UBXN2A: variants seen among roughly 807,000 people sequenced by gnomAD.
UBXN2A encodes UBX domain protein 2A.
In UBXN2A, 28 loss-of-function variants were observed where a neutral mutation model predicts 28.4. That is an observed-to-expected ratio of 0.99 (90% CI 0.73 to 1.35). UBXN2A has a LOEUF of 1.35. Among genes scored for constraint, UBXN2A ranks in the 40% most tolerant of loss-of-function variants. The pLI, the probability that UBXN2A is intolerant of heterozygous loss-of-function variation, is 0.00. For synonymous variants in UBXN2A, 97 were observed against 103.6 expected, an observed-to-expected ratio of 0.94 and a Z score of 0.39; for missense variants, 253 against 297.9, an observed-to-expected ratio of 0.85 and a Z score of 1.11.
At chr2:23,939,669 ACAGG>A (rs1705648935), upstream of UBXN2A, 1 of 152,680 alleles carries the variant, frequency 6.5e-6, no homozygotes, top group South Asian at 2.1e-4. Flanking sequence ...CATCGTGAGT[ACAGG>A]CAGGTCAGCT....
At chr2:23,959,580 G>T (rs1706802871) in intron 2 of UBXN2A, among the ~76,000 whole-genome samples, 1 of 152,150 alleles carries the variant, frequency 6.6e-6, no homozygotes, top group African/African-American at 2.4e-5. Context: ...TTTACTAGAA[G>T]AATTTGTAAG....
intron 5 of UBXN2A, among the ~76,000 whole-genome samples, 151 bp from the exon 6 acceptor site, chr2:23,984,520 AAT>A (rs1016192476): frequency 2.0e-5 from 3 of 152,192 alleles, no homozygotes; most frequent in African/African-American, 7.2e-5. Context: ...GGACATAAAT[AAT>A]ATATCTTTCT....
intron 2 of UBXN2A, among the ~76,000 whole-genome samples, chr2:23,966,483 C>G (rs1401281739): frequency 7.1e-6 from 1 of 140,662 alleles, no homozygotes; most frequent in Admixed American, 7.4e-5. Context: ...GACAGAGTCT[C>G]GCTCTGTTGC....
At chr2:23,986,669 A>G (rs950290534) in intron 6 of UBXN2A, among the ~76,000 whole-genome samples, 2 of 148,124 alleles carry the variant, frequency 1.4e-5, no homozygotes, top group Non-Finnish European at 3.0e-5. Flanking sequence ...GTGCAGTGGC[A>G]CGATCTCAGC....
chr2:23,944,422 A>G, intron 1 of UBXN2A: 1 of 1,052,216 alleles, frequency 9.5e-7, no homozygotes. Context: ...TGTCAGTCTT[A>G]TCTCCACCCT....
chr2:23,946,178 G>C (rs1471487074), intron 1 of UBXN2A, among the ~76,000 whole-genome samples: 1 of 151,966 alleles, frequency 6.6e-6, no homozygotes, highest in African/African-American at 2.4e-5. Flanking sequence ...TTTTTAGACA[G>C]AGTTTCACTT....
At chr2:23,946,797 T>C (rs1706105215) in intron 1 of UBXN2A, among the ~76,000 whole-genome samples, 1 of 152,104 alleles carries the variant, frequency 6.6e-6, no homozygotes, top group South Asian at 2.1e-4. Flanking sequence ...CAGATTCTTA[T>C]ACACTTATTT....
upstream of UBXN2A, among the ~76,000 whole-genome samples, chr2:23,938,551 CTCCCTT>C (rs371742531): frequency 0.039 from 5,596 of 143,134 alleles, 107 homozygotes; most frequent in Admixed American, 0.046. Flanking sequence ...TGGCCCCCCC[CTCCCTT>C]TTTTTTTTTT....
intron 2 of UBXN2A, among the ~76,000 whole-genome samples, chr2:23,969,736 C>A (rs1197498381): frequency 1.3e-5 from 2 of 152,040 alleles, no homozygotes; most frequent in African/African-American, 4.8e-5. Context: ...GGGAGAATCA[C>A]TTGAGTCCAG....
intron 1 of UBXN2A, 47 bp from the exon 2 acceptor site, chr2:23,958,254 G>A: frequency 6.6e-7 from 1 of 1,506,308 alleles, no homozygotes; most frequent in Admixed American, 2.1e-5. Context: ...TACATATTAA[G>A]CTTTTTACTT....
At chr2:23,937,819 A>T (rs72796361), upstream of UBXN2A, among the ~76,000 whole-genome samples, 28,151 of 152,156 alleles carry the variant, frequency 0.19, 2,701 homozygotes, top group Middle Eastern at 0.26. Context: ...GTGTAAGTGA[A>T]TTCGTCGTTG....
intron 6 of UBXN2A, among the ~76,000 whole-genome samples, chr2:23,998,229 T>C (rs1239336514): frequency 2.0e-5 from 3 of 152,222 alleles, no homozygotes; most frequent in African/African-American, 7.2e-5. Flanking sequence ...ACATGAGCTT[T>C]TTAATTTATT....
intron 1 of UBXN2A, among the ~76,000 whole-genome samples, chr2:23,932,322 G>A (rs1424524636): frequency 6.0e-5 from 7 of 116,276 alleles, no homozygotes; most frequent in South Asian, 3.0e-4. Context: ...TTCCCCCTCC[G>A]TCTTGGGGGA....
chr2:23,942,365 A>G (rs12616899), intron 1 of UBXN2A, among the ~76,000 whole-genome samples: 18,030 of 151,240 alleles, frequency 0.12, 1,161 homozygotes, highest in Middle Eastern at 0.21. Context: ...TGTTGTGTGG[A>G]AAGCAAAAGG....
rs180762083 is a variant in UBXN2A at position 23,999,668 on chromosome 2, A to G, written c.585-4A>G. On this transcript the variant is annotated splice_polypyrimidine_tract_variant and splice_region_variant and intron_variant, in intron 6 of 6. Coordinates refer to ENST00000309033, the MANE Select transcript of UBXN2A (RefSeq NM_181713.4). Reference sequence around the variant, plus strand: ...TTATATTAATAGTTTTTGCTGTTTTACAGAGTAAGCCATATCAAAGACTTC... The same window carrying G: ...TTATATTAATAGTTTTTGCTGTTTTGCAGAGTAAGCCATATCAAAGACTTC... 1 of 1,600,624 alleles carries G rather than the reference A, an allele frequency of 6.2e-7. No homozygotes were observed. Among genetic ancestry groups the G allele is most frequent in the Non-Finnish European group, 8.5e-7 (1 of 1,176,962 alleles).
intron 1 of UBXN2A, among the ~76,000 whole-genome samples, chr2:23,953,094 A>G (rs953660095): frequency 1.3e-5 from 2 of 152,152 alleles, no homozygotes; most frequent in Non-Finnish European, 1.5e-5. Context: ...GTAAGAGGCA[A>G]GTTATATTTC....
At chr2:23,958,481 C>A in intron 2 of UBXN2A, 126 bp downstream of exon 2, 1 of 827,532 alleles carries the variant, frequency 1.2e-6, no homozygotes, top group Non-Finnish European at 1.7e-6. Flanking sequence ...TCATTGTCAT[C>A]TACTATGTTG....
intron 6 of UBXN2A, among the ~76,000 whole-genome samples, chr2:23,985,830 T>C (rs900839520): frequency 6.6e-6 from 1 of 151,990 alleles, no homozygotes; most frequent in African/African-American, 2.4e-5. Flanking sequence ...ACCTCGTGTC[T>C]ACAAAAAAAT....
chr2:23,928,841 G>A (rs1232492523), intron 1 of UBXN2A, among the ~76,000 whole-genome samples: 1 of 152,116 alleles, frequency 6.6e-6, no homozygotes, highest in Non-Finnish European at 1.5e-5. Flanking sequence ...GACACAATTT[G>A]CATACCACAT....
Sources: allele counts gnomAD v4.1 joint callset (sites outside exome capture counted in the v4.1 genomes callset), GRCh38; gene constraint gnomAD v4.1.1; transcripts MANE v1.5; gene names NCBI Gene and HGNC (gene_info 2026-07-23, HGNC 2026-07-21).